Variants in UBASH3A observed in about 807,000 individuals in gnomAD.
The protein encoded by UBASH3A is ubiquitin associated and SH3 domain containing A, also known as ubiquitin-associated and SH3 domain-containing protein A.
In UBASH3A, 63 loss-of-function variants were observed where a neutral mutation model predicts 73.5. The ratio of observed to expected loss-of-function variants is 0.86; its 90% CI spans 0.70 to 1.06. The LOEUF (loss-of-function observed/expected upper bound fraction) is 1.06, where lower values mean the gene tolerates loss of function less well. Ranked by LOEUF, UBASH3A falls within the 50% of genes least tolerant of loss-of-function variation. The pLI is 0.00. For missense variants in UBASH3A, 860 were observed against 859.0 expected (o/e 1.00, Z -0.02); for synonymous variants, 363 against 351.1 (o/e 1.03, Z -0.38).
chr21:42,441,103 T>C (rs6650872), intron 11 of UBASH3A, among the ~76,000 whole-genome samples: 5,714 of 152,026 alleles, frequency 0.038, 403 homozygotes, highest in African/African-American at 0.13. Flanking sequence ...TTAAAGGGCA[T>C]GGGTTTATAA....
rs1166358716 is a variant in UBASH3A at position 42,403,944 on chromosome 21, A to T, written c.-2A>T. 17 of 1,500,588 alleles carry T rather than the reference A, an allele frequency of 1.1e-5. No homozygotes were observed. Among genetic ancestry groups the T allele is most frequent in the Non-Finnish European group, 1.5e-5 (17 of 1,117,214 alleles). 93.0% of individuals were successfully genotyped at this position (1,500,588 alleles called of 1,614,324 possible). A position where few individuals can be genotyped will look rare whatever the true frequency, so the allele number is the denominator to read the frequency against. ...AGCTTCTTGGCCTAAGGGCAGGAAG[A>T]GATGGCAGCGGGGGAGACGCAGCTC... On this transcript the variant is annotated 5_prime_UTR_variant, in exon 1 of 15. Coordinates refer to ENST00000319294, the MANE Select transcript of UBASH3A (RefSeq NM_018961.4).
intron 14 of UBASH3A, among the ~76,000 whole-genome samples, chr21:42,445,723 G>C (rs2053832317): frequency 6.6e-6 from 1 of 152,204 alleles, no homozygotes; most frequent in Non-Finnish European, 1.5e-5. Flanking sequence ...CTCTGCACCT[G>C]AGTAGAAACA....
At chr21:42,441,314 G>A (rs768572175) in intron 11 of UBASH3A, among the ~76,000 whole-genome samples, 2 of 151,952 alleles carry the variant, frequency 1.3e-5, no homozygotes, top group Non-Finnish European at 1.5e-5. Context: ...AAAGGAAAGA[G>A]ACCCATGGCC....
At chr21:42,444,787 A>G in intron 14 of UBASH3A, 144 bp downstream of exon 14, 1 of 684,400 alleles carries the variant, frequency 1.5e-6, no homozygotes, top group East Asian at 2.7e-5. Flanking sequence ...GACTGTGCCC[A>G]CCGGCTCTTA....
chr21:42,425,020 T>C (rs1470215731), intron 7 of UBASH3A, among the ~76,000 whole-genome samples: 1 of 152,182 alleles, frequency 6.6e-6, no homozygotes, highest in Admixed American at 6.5e-5. Flanking sequence ...TCCAGGACTA[T>C]GAGGGCATCT....
chr21:42,437,832 C>T (rs1053620298), intron 11 of UBASH3A, among the ~76,000 whole-genome samples: 2 of 152,308 alleles, frequency 1.3e-5, no homozygotes, highest in Admixed American at 6.5e-5. Flanking sequence ...GTCCTCATAC[C>T]GTTTCTCTTT....
At chr21:42,444,910 C>T (rs1393096772) in intron 14 of UBASH3A, among the ~76,000 whole-genome samples, 5 of 152,134 alleles carry the variant, frequency 3.3e-5, no homozygotes, top group African/African-American at 9.7e-5. Flanking sequence ...TTGCAGCTCT[C>T]GTAGAAAAAC....
intron 10 of UBASH3A, 151 bp downstream of exon 10, chr21:42,435,105 G>T (rs1016683483): frequency 1.0e-6 from 1 of 977,218 alleles, no homozygotes; most frequent in Non-Finnish European, 1.5e-6. Flanking sequence ...GCACAGAGAG[G>T]TTAAGCAACT....
Position 42,447,599 on chromosome 21 carries a change from C to T in UBASH3A, c.*405C>T, listed in dbSNP as rs762618374. The T allele has an allele frequency of 1.1e-4, 17 of 160,482 alleles. No homozygotes were observed. The highest frequency in any genetic ancestry group is 2.0e-4 in the Non-Finnish European group (15 of 73,880). The allele number at this position is 160,482 out of a possible 1,614,324, so 9.9% of individuals were successfully genotyped here. ...CAATCGTTTTTTCTTTTTCTGGGTC[C>T]ATCACTCTTTAGCCATATCCACATG... On this transcript the variant is annotated 3_prime_UTR_variant, in exon 15 of 15. Transcript: ENST00000319294.
rs753975670 is a variant in UBASH3A, at chr21:42,426,694, C to A, written c.1047-3C>A. ...TTCAAGCCGTGCTTTCCTTCCCCTG[C>A]AGGATGTACACCTTCAGTCTAGCCA... On this transcript the variant is annotated splice_polypyrimidine_tract_variant and splice_region_variant and intron_variant, in intron 7 of 14. Transcript: ENST00000319294. 1 of 1,613,486 alleles carries A rather than the reference C, an allele frequency of 6.2e-7. No homozygotes were observed. Among genetic ancestry groups the A allele is most frequent in the Admixed American group, 1.7e-5 (1 of 59,916 alleles).
chr21:42,442,343 G>A (rs2053761203), intron 11 of UBASH3A, 109 bp from the exon 12 acceptor site: 2 of 1,117,522 alleles, frequency 1.8e-6, no homozygotes, highest in Non-Finnish European at 2.6e-6. Flanking sequence ...TGTTTAAAAG[G>A]CATGATTTAG....
chr21:42,423,383 G>T (rs1380616972), intron 7 of UBASH3A, among the ~76,000 whole-genome samples: 2 of 152,176 alleles, frequency 1.3e-5, no homozygotes, highest in African/African-American at 4.8e-5. Context: ...AGAAGACTCG[G>T]GCCCAGGAGG....
chr21:42,439,881 G>T (rs375930581), intron 11 of UBASH3A, among the ~76,000 whole-genome samples: 199 of 112,240 alleles, frequency 1.8e-3, no homozygotes, highest in African/African-American at 6.6e-3. Context: ...CATACAACAC[G>T]CTGAACACAC....
intron 1 of UBASH3A, among the ~76,000 whole-genome samples, chr21:42,404,381 G>A (rs1375668204): frequency 7.1e-6 from 1 of 140,508 alleles, no homozygotes; most frequent in Non-Finnish European, 1.7e-5. Context: ...AAAATATTAT[G>A]AGATTTTTTT....
At chr21:42,442,093 T>C (rs1384319400) in intron 11 of UBASH3A, among the ~76,000 whole-genome samples, 1 of 152,068 alleles carries the variant, frequency 6.6e-6, no homozygotes, top group Non-Finnish European at 1.5e-5. Flanking sequence ...GGATCTGCCA[T>C]GTTGGAGGAT....
chr21:42,442,695 A>G, intron 12 of UBASH3A, 99 bp downstream of exon 12: 3 of 1,340,908 alleles, frequency 2.2e-6, no homozygotes, highest in Non-Finnish European at 3.1e-6. Flanking sequence ...ACTTTATTCA[A>G]GAGGGACCAC....
In UBASH3A at chr21:42,443,284, C is replaced by T. The variant is rs753112380; in HGVS notation, c.1632-28C>T. The T allele has an allele frequency of 8.1e-6, 13 of 1,602,550 alleles. No individual in the cohort carries two copies. In the South Asian group the frequency reaches 1.2e-4, roughly 15 times the overall value. On this transcript the variant is annotated intron_variant, in intron 12 of 14. Coordinates refer to ENST00000319294, the MANE Select transcript of UBASH3A (RefSeq NM_018961.4). Reference sequence around the variant, plus strand: ...CCTAATCCCTACGAAAGTGCCAGGGCAGCAGCCTCTCCTTCTCATCCTTCC... The same window carrying T: ...CCTAATCCCTACGAAAGTGCCAGGGTAGCAGCCTCTCCTTCTCATCCTTCC...
chr21:42,422,846 G>A (rs187595313), intron 7 of UBASH3A, among the ~76,000 whole-genome samples: 2 of 152,266 alleles, frequency 1.3e-5, no homozygotes, highest in African/African-American at 4.8e-5. Flanking sequence ...TTCTATACAT[G>A]TGTATGCCTA....
At position 42,427,511 on chromosome 21, in the gene UBASH3A, A is replaced by T. The variant is rs189028292; in HGVS notation, c.1170+691A>T. Among the ~76,000 whole-genome samples, 14 of 152,256 alleles carry T rather than the reference A, an allele frequency of 9.2e-5. No homozygotes were observed. In the East Asian group the frequency reaches 2.3e-3, roughly 25 times the overall value. On this transcript the variant is annotated intron_variant, in intron 8 of 14. Coordinates refer to ENST00000319294, the MANE Select transcript of UBASH3A (RefSeq NM_018961.4). ...TGCCCTGCCATGTGCCGCACACGTT[A>T]CTTTAGGATCTCTCATCCTTGCTAT...
Sources: allele counts gnomAD v4.1 joint callset (sites outside exome capture counted in the v4.1 genomes callset), GRCh38; gene constraint gnomAD v4.1.1; transcripts MANE v1.5; gene names NCBI Gene and HGNC (gene_info 2026-07-23, HGNC 2026-07-21).